Variants in ADD2 observed in about 807,000 individuals in gnomAD.
ADD2 encodes the protein adducin 2, also known as beta-adducin.
ADD2 carries 23 observed loss-of-function variants against 83.0 expected under a neutral mutation model. That is an observed-to-expected ratio of 0.28 (90% CI 0.20 to 0.39). The LOEUF (loss-of-function observed/expected upper bound fraction) is 0.39. ADD2 is among the 10% of genes least tolerant of loss of function. ADD2 has a pLI of 1.00. For missense variants in ADD2, 758 were observed against 944.9 expected (o/e 0.80, Z 2.59); for synonymous variants, 375 against 375.4 (o/e 1.00, Z 0.01).
chr2:70,699,673 G>A (rs1311773912), intron 4 of ADD2, among the ~76,000 whole-genome samples: 2 of 152,116 alleles, frequency 1.3e-5, no homozygotes, highest in African/African-American at 4.8e-5. Context: ...CCAGCTACTT[G>A]GGAGGCTGAG....
intron 6 of ADD2, among the ~76,000 whole-genome samples, chr2:70,692,875 T>C (rs928378405): frequency 2.6e-5 from 4 of 152,140 alleles, no homozygotes; most frequent in Non-Finnish European, 5.9e-5. Context: ...GAGCCTGCAT[T>C]TCTAACAAGT....
At chr2:70,725,889 G>C (rs187588336) in intron 1 of ADD2, among the ~76,000 whole-genome samples, 3 of 152,250 alleles carry the variant, frequency 2.0e-5, no homozygotes. Flanking sequence ...AATGATGCCA[G>C]TGTTGCTGGT....
chr2:70,667,083 G>C (rs1395896026), intron 15 of ADD2, among the ~76,000 whole-genome samples: 5 of 152,328 alleles, frequency 3.3e-5, no homozygotes, highest in African/African-American at 1.2e-4. Flanking sequence ...TGAAAACCAG[G>C]CTGGGAGAGG....
intron 1 of ADD2, among the ~76,000 whole-genome samples, chr2:70,747,007 A>ATTTTTTTT (rs34113265): frequency 1.6e-5 from 2 of 121,226 alleles, no homozygotes; most frequent in Non-Finnish European, 3.3e-5. Context: ...TCCAATATGG[A>ATTTTTTTT]TTTTTTTTTT....
chr2:70,732,011 C>T (rs1553379380), intron 1 of ADD2, among the ~76,000 whole-genome samples: 1 of 152,168 alleles, frequency 6.6e-6, no homozygotes, highest in Non-Finnish European at 1.5e-5. Flanking sequence ...CAAAATGAAA[C>T]CACTGATATT....
intron 1 of ADD2, among the ~76,000 whole-genome samples, chr2:70,736,096 T>C (rs1009174319): frequency 6.6e-6 from 1 of 152,026 alleles, no homozygotes; most frequent in South Asian, 2.1e-4. Flanking sequence ...AGAAGCCCTA[T>C]ACTCAAATCC....
Position 70,659,687 on chromosome 2 carries a change from C to G in ADD2, c.*3738G>C, listed in dbSNP as rs1395755886. ...CAGGAGGCTCTTAGGGAGTCCAGAT[C>G]TGGGCTAGAAGGTGTCTCTTTCTGC... is the stretch of plus-strand genomic sequence containing the variant. On this transcript the variant is annotated 3_prime_UTR_variant, in exon 16 of 16. Transcript: ENST00000264436. 2 of 152,270 alleles carry G rather than the reference C, an allele frequency of 1.3e-5. No homozygotes were observed. Among genetic ancestry groups the G allele is most frequent in the African/African-American group, 4.8e-5 (2 of 41,424 alleles). 9.4% of individuals were successfully genotyped at this position (152,270 alleles called of 1,614,324 possible).
At chr2:70,725,897 G>A (rs1449029795) in intron 1 of ADD2, among the ~76,000 whole-genome samples, 7 of 152,106 alleles carry the variant, frequency 4.6e-5, no homozygotes. Context: ...CAGTGTTGCT[G>A]GTCCACAAAC....
chr2:70,694,965 A>G (rs1671236252), intron 6 of ADD2, among the ~76,000 whole-genome samples: 1 of 151,898 alleles, frequency 6.6e-6, no homozygotes, highest in Non-Finnish European at 1.5e-5. Context: ...AGCCTTGTGC[A>G]AGCTGCTTAC....
chr2:70,695,865 G>T, intron 5 of ADD2, 64 bp from the exon 6 acceptor site: 1 of 1,400,024 alleles, frequency 7.1e-7, no homozygotes, highest in Non-Finnish European at 1.0e-6. Flanking sequence ...AGGACACTGT[G>T]CTTGAATCCC....
chr2:70,669,873 GAGAC>G (rs56764457), intron 15 of ADD2, among the ~76,000 whole-genome samples: 6 of 141,770 alleles, frequency 4.2e-5, no homozygotes, highest in East Asian at 1.9e-4. Flanking sequence ...GACAGACAGA[GAGAC>G]AGACAGACAG....
intron 1 of ADD2, among the ~76,000 whole-genome samples, chr2:70,748,894 G>A (rs1409193418): frequency 6.6e-6 from 1 of 152,176 alleles, no homozygotes; most frequent in Non-Finnish European, 1.5e-5. Context: ...GGCACTTAGT[G>A]CAGCATTGAG....
chr2:70,735,533 C>T (rs1256494251), intron 1 of ADD2, among the ~76,000 whole-genome samples: 2 of 152,030 alleles, frequency 1.3e-5, no homozygotes, highest in Non-Finnish European at 2.9e-5. Flanking sequence ...TCGACCTCCA[C>T]ACCCCTAAAA....
At chr2:70,696,531 G>T in intron 4 of ADD2, 135 bp from the exon 5 acceptor site, 1 of 1,188,606 alleles carries the variant, frequency 8.4e-7, no homozygotes, top group South Asian at 1.5e-5. Context: ...AACATTCTTT[G>T]ACCCTTACCT....
chr2:70,675,623 T>C, intron 13 of ADD2: 2 of 985,442 alleles, frequency 2.0e-6, no homozygotes, highest in Non-Finnish European at 2.4e-6. Flanking sequence ...GATGCAGTGC[T>C]CTGAAGCTGA....
At chr2:70,716,344 C>T (rs1400450817) in intron 1 of ADD2, among the ~76,000 whole-genome samples, 1 of 152,086 alleles carries the variant, frequency 6.6e-6, no homozygotes, top group Non-Finnish European at 1.5e-5. Context: ...GGGGCTATTC[C>T]CAGGACCCAA....
At chr2:70,718,976 T>C (rs1553376886) in intron 1 of ADD2, among the ~76,000 whole-genome samples, 10 of 152,214 alleles carry the variant, frequency 6.6e-5, no homozygotes, top group Non-Finnish European at 1.5e-5. Flanking sequence ...ATGATTCTAC[T>C]TCCTATTTCT....
chr2:70,696,440 C>G, intron 4 of ADD2, 44 bp from the exon 5 acceptor site: 2 of 1,609,514 alleles, frequency 1.2e-6, no homozygotes, highest in Non-Finnish European at 1.7e-6. Context: ...GCCCATCTGC[C>G]CTCCCCTTCC....
intron 1 of ADD2, among the ~76,000 whole-genome samples, chr2:70,755,925 G>T (rs1202575149): frequency 6.6e-6 from 1 of 151,970 alleles, no homozygotes; most frequent in African/African-American, 2.4e-5. Context: ...TAGGCATGGT[G>T]GCACATGCCT....
Sources: allele counts gnomAD v4.1 joint callset (sites outside exome capture counted in the v4.1 genomes callset), GRCh38; gene constraint gnomAD v4.1.1; transcripts MANE v1.5; gene names NCBI Gene and HGNC (gene_info 2026-07-23, HGNC 2026-07-21).